SNX7: variants seen among roughly 807,000 people sequenced by gnomAD.
The protein encoded by SNX7 is sorting nexin-7.
SNX7 carries 35 observed loss-of-function variants against 48.4 expected under a neutral mutation model. The observed-to-expected ratio is 0.72, with a 90% CI of 0.55 to 0.96. The LOEUF is 0.96. Among genes scored for constraint, SNX7 ranks in the 40% least tolerant of loss-of-function variants. The pLI, the probability that SNX7 is intolerant of heterozygous loss-of-function variation, is 0.00. For synonymous variants in SNX7, 190 were observed against 190.2 expected (o/e 1.00, Z 0.01); for missense variants, 553 against 548.9 (o/e 1.01, Z -0.07).
intron 8 of SNX7, among the ~76,000 whole-genome samples, chr1:98,746,698 T>C (rs1017531182): frequency 6.6e-6 from 1 of 152,120 alleles, no homozygotes; most frequent in South Asian, 2.1e-4. Flanking sequence ...CACTGCTCTG[T>C]TATAGCCAAC....
chr1:98,683,853 T>C (rs531039424), intron 1 of SNX7, among the ~76,000 whole-genome samples: 2 of 152,272 alleles, frequency 1.3e-5, no homozygotes, highest in East Asian at 1.9e-4. Context: ...TCACTTGATA[T>C]CTGTATTTTC....
intron 6 of SNX7, among the ~76,000 whole-genome samples, chr1:98,699,171 A>G (rs1278444069): frequency 6.6e-6 from 1 of 152,206 alleles, no homozygotes; most frequent in African/African-American, 2.4e-5. Flanking sequence ...CAAAATTTAC[A>G]TAGGGAATAT....
chr1:98,669,308 A>G (rs755714004), intron 1 of SNX7, among the ~76,000 whole-genome samples: 3 of 152,020 alleles, frequency 2.0e-5, no homozygotes, highest in Non-Finnish European at 4.4e-5. Context: ...TTCCTCTCCT[A>G]TGTTTGGGGT....
chr1:98,729,762 G>A (rs576074230), intron 7 of SNX7, among the ~76,000 whole-genome samples: 220 of 152,188 alleles, frequency 1.4e-3, no homozygotes, highest in Non-Finnish European at 2.4e-3. Context: ...AATTGAGGGA[G>A]TAATAAATAG....
At chr1:98,743,701 T>C (rs1654183973) in intron 8 of SNX7, among the ~76,000 whole-genome samples, 1 of 152,102 alleles carries the variant, frequency 6.6e-6, no homozygotes, top group African/African-American at 2.4e-5. Context: ...GTTCTTCAAG[T>C]GTAGTTTTAC....
intron 1 of SNX7, chr1:98,662,694 C>T (rs1439152587): frequency 3.9e-6 from 5 of 1,289,214 alleles, no homozygotes; most frequent in Admixed American, 2.3e-5. Context: ...ACCTTTCTTG[C>T]AGGGAGGTTG....
At chr1:98,684,752 A>G in intron 1 of SNX7, 133 bp from the exon 2 acceptor site, 1 of 542,904 alleles carries the variant, frequency 1.8e-6, no homozygotes. Context: ...ATACATGTTC[A>G]GTATACCACA....
At chr1:98,735,287 G>C (rs1653716189) in intron 7 of SNX7, among the ~76,000 whole-genome samples, 1 of 152,050 alleles carries the variant, frequency 6.6e-6, no homozygotes, top group Non-Finnish European at 1.5e-5. Flanking sequence ...ATTTGAATTA[G>C]GTGTTTTGTG....
intron 7 of SNX7, among the ~76,000 whole-genome samples, chr1:98,726,875 T>C (rs1319821290): frequency 2.0e-5 from 3 of 152,210 alleles, no homozygotes; most frequent in African/African-American, 4.8e-5. Flanking sequence ...CCCTTTGTCC[T>C]GTGTCTAGGC....
chr1:98,686,908 C>G (rs1039799543), intron 2 of SNX7, among the ~76,000 whole-genome samples: 5 of 152,136 alleles, frequency 3.3e-5, no homozygotes, highest in Admixed American at 2.0e-4. Flanking sequence ...TCATTTGCGT[C>G]TCTCAGAAAG....
intron 7 of SNX7, among the ~76,000 whole-genome samples, chr1:98,728,335 C>G (rs554506002): frequency 6.6e-5 from 10 of 152,154 alleles, no homozygotes; most frequent in Non-Finnish European, 1.2e-4. Context: ...CAAGCAAATG[C>G]TGAGGGAATT....
intron 7 of SNX7, among the ~76,000 whole-genome samples, chr1:98,735,320 G>T (rs1653717132): frequency 6.6e-6 from 1 of 152,064 alleles, no homozygotes. Context: ...GTGTTTCTTA[G>T]AATTGAAATT....
At chr1:98,743,905 A>G (rs533922675) in intron 8 of SNX7, among the ~76,000 whole-genome samples, 69 of 152,228 alleles carry the variant, frequency 4.5e-4, no homozygotes, top group African/African-American at 1.7e-3. Context: ...AGGTTAAACT[A>G]TATTGATAAT....
At chr1:98,725,323 T>C (rs548416064) in intron 7 of SNX7, among the ~76,000 whole-genome samples, 1 of 152,316 alleles carries the variant, frequency 6.6e-6, no homozygotes, top group South Asian at 2.1e-4. Context: ...AAAAACATGT[T>C]AAAGCATTCC....
At chr1:98,739,738 G>C (rs1653978068) in intron 8 of SNX7, among the ~76,000 whole-genome samples, 1 of 152,218 alleles carries the variant, frequency 6.6e-6, no homozygotes, top group Admixed American at 6.5e-5. Flanking sequence ...ATGCACAAAA[G>C]TGTAGAAGGG....
At chr1:98,686,917 A>G (rs1040351558) in intron 2 of SNX7, among the ~76,000 whole-genome samples, 3 of 152,150 alleles carry the variant, frequency 2.0e-5, no homozygotes, top group African/African-American at 7.2e-5. Context: ...TCTCTCAGAA[A>G]GACACTCTTT....
intron 7 of SNX7, among the ~76,000 whole-genome samples, chr1:98,704,321 A>C (rs1377094770): frequency 6.6e-6 from 1 of 152,214 alleles, no homozygotes; most frequent in Non-Finnish European, 1.5e-5. Flanking sequence ...TTAAGTTTCA[A>C]AACAGACACA....
chr1:98,744,992 A>G (rs1654245729), intron 8 of SNX7, among the ~76,000 whole-genome samples: 1 of 152,092 alleles, frequency 6.6e-6, no homozygotes, highest in Non-Finnish European at 1.5e-5. Context: ...GTTTTCAACA[A>G]TACTGGAACA....
intron 1 of SNX7, chr1:98,662,356 G>A (rs1469419337): frequency 1.2e-5 from 2 of 169,884 alleles, no homozygotes; most frequent in East Asian, 1.7e-4. Flanking sequence ...TTAATTTAGT[G>A]TTGTTGCTTG....
Sources: gnomAD v4.1 joint callset for allele counts (sites outside exome capture counted in the v4.1 genomes callset) on GRCh38, gnomAD v4.1.1 for gene constraint, MANE v1.5 for transcripts, NCBI Gene and HGNC (gene_info 2026-07-23, HGNC 2026-07-21) for gene names.